Variants in B3GALT5 observed in about 807,000 individuals in gnomAD.
B3GALT5 encodes UDP-Gal:betaGlcNAc beta 1,3-galactosyltransferase, polypeptide 5.
For synonymous variants in B3GALT5, 156 were observed against 158.6 expected (o/e 0.98, Z 0.12); for missense variants, 328 against 396.6 (o/e 0.83, Z 1.47).
chr21:39,653,766 C>T (rs2079416387), intron 2 of B3GALT5, among the ~76,000 whole-genome samples: 1 of 152,244 alleles, frequency 6.6e-6, no homozygotes. Context: ...GTCTAGATCT[C>T]AGCCCTGGGA....
chr21:39,642,386 C>T (rs2079296951), intron 1 of B3GALT5, among the ~76,000 whole-genome samples: 1 of 152,142 alleles, frequency 6.6e-6, no homozygotes, highest in Non-Finnish European at 1.5e-5. Flanking sequence ...GAGGATGGGA[C>T]ATTTCATTTG....
At chr21:39,658,718 GC>G (rs1295269609) in intron 2 of B3GALT5, among the ~76,000 whole-genome samples, 3 of 152,160 alleles carry the variant, frequency 2.0e-5, no homozygotes, top group Admixed American at 2.0e-4. Context: ...TCTCCTGCTT[GC>G]CTTCTGCTGT....
intron 1 of B3GALT5, among the ~76,000 whole-genome samples, chr21:39,639,393 T>TCCTTCCTTCCTC (rs1228603521): frequency 2.1e-5 from 2 of 95,530 alleles, no homozygotes; most frequent in Admixed American, 1.2e-4. Flanking sequence ...CTTCCTTCCT[T>TCCTTCCTTCCTC]CTTTCTTTTT....
Position 39,661,981 on chromosome 21 carries a change from C to T in B3GALT5, c.*489C>T, listed in dbSNP as rs574305632. On this transcript the variant is annotated 3_prime_UTR_variant, in exon 4 of 4. Coordinates refer to ENST00000684187, the MANE Select transcript of B3GALT5 (RefSeq NM_001356336.2). The surrounding 1 kb of genome is among the most constrained non-coding windows in gnomAD (Gnocchi z 4.7). ...GTCTCGGAGCCGGCATCCTTCCATCCCTGTCGAGTCCCCTCCACCTCAGCT... is the reference window on the plus strand; with the variant it reads ...GTCTCGGAGCCGGCATCCTTCCATCTCTGTCGAGTCCCCTCCACCTCAGCT... The T allele has an allele frequency of 6.0e-6, 1 of 167,572 alleles. No individual in the cohort carries two copies. The highest frequency in any genetic ancestry group is 1.9e-4 in the East Asian group (1 of 5,168). The allele number at this position is 167,572 out of a possible 1,614,324, so 10.4% of individuals were successfully genotyped here.
chr21:39,656,457 C>T (rs765533586), intron 2 of B3GALT5, among the ~76,000 whole-genome samples: 7 of 152,206 alleles, frequency 4.6e-5, no homozygotes, highest in African/African-American at 1.2e-4. Context: ...ACGTCCTTCA[C>T]GGGGCTCAGA....
chr21:39,619,818 A>C (rs1321982542), intron 1 of B3GALT5, among the ~76,000 whole-genome samples: 2 of 150,558 alleles, frequency 1.3e-5, no homozygotes, highest in Non-Finnish European at 3.0e-5. Flanking sequence ...TCTTTCTTTT[A>C]TTTTTTTTAG....
At chr21:39,638,022 C>T (rs919456134) in intron 1 of B3GALT5, among the ~76,000 whole-genome samples, 1 of 152,110 alleles carries the variant, frequency 6.6e-6, no homozygotes, top group African/African-American at 2.4e-5. Context: ...ATGTCCTTGC[C>T]ACACCGGGCC....
Position 39,663,858 on chromosome 21 carries a change from G to A in B3GALT5, c.*2366G>A, listed in dbSNP as rs2079552578. 1 of 152,238 alleles carries A rather than the reference G, an allele frequency of 6.6e-6. No homozygotes were observed. The highest frequency in any genetic ancestry group is 2.1e-4 in the South Asian group (1 of 4,820). 9.4% of individuals were successfully genotyped at this position (152,238 alleles called of 1,614,324 possible). A position where few individuals can be genotyped will look rare whatever the true frequency, so the allele number is the denominator to read the frequency against. On this transcript the variant is annotated 3_prime_UTR_variant, in exon 4 of 4. Coordinates refer to ENST00000684187, the MANE Select transcript of B3GALT5 (RefSeq NM_001356336.2). ...TGCTGTCTTGTCTGGATGTGAGAGT[G>A]AGAAACAATGTGAAAGCATGAGTGA...
chr21:39,639,486 C>T (rs1363506269), intron 1 of B3GALT5, among the ~76,000 whole-genome samples: 3 of 137,552 alleles, frequency 2.2e-5, no homozygotes, highest in African/African-American at 5.5e-5. Flanking sequence ...CTCTTTCTTT[C>T]TTTCTTTTTT....
At position 39,672,585 on chromosome 21, in the gene B3GALT5, A is replaced by C. The variant is rs2079639655; in HGVS notation, c.*11093A>C. On this transcript the variant is annotated 3_prime_UTR_variant, in exon 4 of 4. Transcript: ENST00000684187. The stretch of plus-strand genomic sequence containing the variant: ...TATTTTTAATGAAAATTAAATTATG[A>C]AAATAATGCACTTAACTAGGTGAGT... The C allele has an allele frequency of 6.6e-6, 1 of 152,200 alleles. No individual in the cohort carries two copies. The highest frequency in any genetic ancestry group is 2.1e-4 in the South Asian group (1 of 4,836). 9.4% of individuals were successfully genotyped at this position (152,200 alleles called of 1,614,324 possible). A position where few individuals can be genotyped will look rare whatever the true frequency, so the allele number is the denominator to read the frequency against.
chr21:39,653,025 T>C (rs2079410168), intron 2 of B3GALT5, among the ~76,000 whole-genome samples: 1 of 152,210 alleles, frequency 6.6e-6, no homozygotes, highest in Non-Finnish European at 1.5e-5. Context: ...AGTTTTTACA[T>C]ATATTTCCAC....
intron 1 of B3GALT5, among the ~76,000 whole-genome samples, chr21:39,615,667 C>A (rs1466543930): frequency 6.6e-6 from 1 of 152,158 alleles, no homozygotes; most frequent in Admixed American, 6.5e-5. Context: ...TGACCTTCGG[C>A]AAGTTACTTA....
chr21:39,644,245 G>A (rs1158550908), intron 1 of B3GALT5, among the ~76,000 whole-genome samples: 3 of 152,146 alleles, frequency 2.0e-5, no homozygotes, highest in African/African-American at 7.2e-5. Flanking sequence ...ACGACTTTGA[G>A]TTCTGTCCTA....
Position 39,667,717 on chromosome 21 carries a change from G to C in B3GALT5, c.*6225G>C, listed in dbSNP as rs932874507. Reference sequence around the variant, plus strand: ...GAGGTAACTGGGACACCAGGTTACTGTCTACCTGGTGGGGAAGCTGGGGAA... The same window carrying C: ...GAGGTAACTGGGACACCAGGTTACTCTCTACCTGGTGGGGAAGCTGGGGAA... On this transcript the variant is annotated 3_prime_UTR_variant, in exon 4 of 4. Coordinates refer to ENST00000684187, the MANE Select transcript of B3GALT5 (RefSeq NM_001356336.2). 2.6e-5 allele frequency: 4 copies of C among 152,268 alleles called. No individual in the cohort carries two copies. Among genetic ancestry groups the C allele is most frequent in the African/African-American group, 7.2e-5 (3 of 41,462 alleles). 9.4% of individuals were successfully genotyped at this position (152,268 alleles called of 1,614,324 possible).
chr21:39,622,489 T>G (rs1326373894), intron 1 of B3GALT5, among the ~76,000 whole-genome samples: 4 of 152,084 alleles, frequency 2.6e-5, no homozygotes, highest in Non-Finnish European at 5.9e-5. Context: ...TGAATTGCTA[T>G]GTAGTGTTGA....
At chr21:39,631,400 T>A (rs2146191238) in intron 1 of B3GALT5, among the ~76,000 whole-genome samples, 1 of 152,334 alleles carries the variant, frequency 6.6e-6, no homozygotes, top group East Asian at 1.9e-4. Context: ...TGTGCCTGTC[T>A]GTGTCCAAAT....
intron 1 of B3GALT5, among the ~76,000 whole-genome samples, chr21:39,623,429 A>G (rs2079148376): frequency 1.3e-5 from 2 of 152,154 alleles, no homozygotes; most frequent in African/African-American, 4.8e-5. Flanking sequence ...TGTGTCCTGT[A>G]TCCCTTGACA....
chr21:39,638,016 C>G (rs1466672524), intron 1 of B3GALT5, among the ~76,000 whole-genome samples: 1 of 152,116 alleles, frequency 6.6e-6, no homozygotes, highest in Non-Finnish European at 1.5e-5. Flanking sequence ...GTCATAATGT[C>G]CTTGCCACAC....
chr21:39,626,107 G>C (rs944423855), intron 1 of B3GALT5, among the ~76,000 whole-genome samples: 1 of 151,998 alleles, frequency 6.6e-6, no homozygotes, highest in Non-Finnish European at 1.5e-5. Flanking sequence ...CAGCCCCTGG[G>C]AACCCCCATT....
Sources: allele counts gnomAD v4.1 joint callset (sites outside exome capture counted in the v4.1 genomes callset), GRCh38; gene constraint gnomAD v4.1.1; non-coding constraint Gnocchi (gnomAD v3.1); transcripts MANE v1.5; gene names NCBI Gene and HGNC (gene_info 2026-07-23, HGNC 2026-07-21).